Variants in PCDH11X observed in about 807,000 individuals in gnomAD.
The protein encoded by PCDH11X is protocadherin-11 X-linked.
In PCDH11X, 18 loss-of-function variants were observed where a neutral mutation model predicts 53.3. The ratio of observed to expected loss-of-function variants is 0.34; its 90% CI spans 0.23 to 0.50. The LOEUF is 0.50. PCDH11X is among the 20% of genes least tolerant of loss of function. The pLI is 0.98. For synonymous variants in PCDH11X, 279 were observed against 393.3 expected (o/e 0.71, Z 3.44); for missense variants, 570 against 1,032.4 (o/e 0.55, Z 6.14).
chrX:92,417,861 A>AG (rs1318464389), intron 9 of PCDH11X, among the ~76,000 whole-genome samples: 1 of 83,441 alleles, frequency 1.2e-5, no homozygotes, highest in East Asian at 4.3e-4. Context: ...CTTATGCAAA[A>AG]GCCTGCTCTG....
chrX:92,185,196 T>A (rs978672479), intron 6 of PCDH11X, among the ~76,000 whole-genome samples: 2 of 110,881 alleles, frequency 1.8e-5, no homozygotes, highest in African/African-American at 6.5e-5. Context: ...CAGTGAGCTA[T>A]GATTGCACCA....
intron 6 of PCDH11X, among the ~76,000 whole-genome samples, chrX:92,079,356 G>A (rs1257319229): frequency 2.7e-5 from 3 of 111,677 alleles, no homozygotes; most frequent in Non-Finnish European, 3.8e-5. Context: ...CCTCATGCTC[G>A]GGTTTCCAGC....
intron 10 of PCDH11X, among the ~76,000 whole-genome samples, chrX:92,521,829 GT>G (rs1325821588): frequency 1.9e-5 from 2 of 107,943 alleles, no homozygotes; most frequent in Non-Finnish European, 3.8e-5. Context: ...GCACTTTTTT[GT>G]TATGAAGATA....
chrX:92,398,616 C>T (rs2071302105), intron 9 of PCDH11X, among the ~76,000 whole-genome samples: 1 of 110,831 alleles, frequency 9.0e-6, no homozygotes, highest in African/African-American at 3.3e-5. Flanking sequence ...CTTTCTTAGT[C>T]TCTTATCTAC....
At chrX:91,969,098 C>T (rs1294733569) in intron 6 of PCDH11X, among the ~76,000 whole-genome samples, 2 of 110,852 alleles carry the variant, frequency 1.8e-5, no homozygotes, top group Non-Finnish European at 3.8e-5. Context: ...TTCAGTGATA[C>T]CTCTTTTAAT....
chrX:92,370,086 ATGTTG>A (rs1255566627), intron 8 of PCDH11X, among the ~76,000 whole-genome samples: 5 of 107,896 alleles, frequency 4.6e-5, no homozygotes, highest in African/African-American at 1.7e-4. Context: ...CATTTTTTGC[ATGTTG>A]TGTTTTAATT....
chrX:92,149,423 TTCTC>T (rs1344095249), intron 6 of PCDH11X, among the ~76,000 whole-genome samples: 1 of 92,342 alleles, frequency 1.1e-5, no homozygotes, highest in Admixed American at 1.4e-4. Context: ...ATCTCTCTCT[TTCTC>T]TCACTCTCTC....
intron 6 of PCDH11X, chrX:91,882,801 T>A: frequency 9.1e-7 from 1 of 1,095,904 alleles, no homozygotes; most frequent in Non-Finnish European, 1.2e-6. Context: ...TGACTCTGCA[T>A]TTATATTTTG....
chrX:92,489,648 T>C (rs1485816855), intron 10 of PCDH11X, among the ~76,000 whole-genome samples: 1 of 108,014 alleles, frequency 9.3e-6, no homozygotes, highest in Non-Finnish European at 1.9e-5. Flanking sequence ...CACTCTCTTC[T>C]GTTCTTACTA....
chrX:92,499,752 A>G (rs773541843), intron 10 of PCDH11X, among the ~76,000 whole-genome samples: 2 of 98,848 alleles, frequency 2.0e-5, no homozygotes, highest in South Asian at 1.2e-3. Context: ...TGACCACTTG[A>G]GCCTGGGAGG....
chrX:92,564,222 C>T (rs1219697968), intron 10 of PCDH11X, among the ~76,000 whole-genome samples: 1 of 108,752 alleles, frequency 9.2e-6, no homozygotes, highest in Non-Finnish European at 1.9e-5. Context: ...AATGCAATCC[C>T]TATTCAACTA....
chrX:92,019,839 C>A (rs926030065), intron 6 of PCDH11X, among the ~76,000 whole-genome samples: 1 of 111,690 alleles, frequency 9.0e-6, no homozygotes, highest in African/African-American at 3.2e-5. Flanking sequence ...ACCATAACAG[C>A]ATGCAAATCC....
At chrX:92,245,891 A>G (rs1481406928) in intron 7 of PCDH11X, among the ~76,000 whole-genome samples, 1 of 112,055 alleles carries the variant, frequency 8.9e-6, no homozygotes, top group Non-Finnish European at 1.9e-5. Context: ...TTATAAAAAT[A>G]AATGGATTAA....
chrX:92,570,006 AC>A (rs1922003253), intron 10 of PCDH11X, among the ~76,000 whole-genome samples: 1 of 78,326 alleles, frequency 1.3e-5, no homozygotes, highest in Admixed American at 1.5e-4. Context: ...ACAGAGTGAG[AC>A]TCAGTCTCAA....
Position 92,230,566 on chromosome X carries a change from CATATATAAT to C in PCDH11X, c.3114+29129_3114+29137del, listed in dbSNP as rs1308038361. 1.3e-3 allele frequency among the ~76,000 whole-genome samples: 111 copies of C among 88,656 alleles called. 2 individuals carry two copies. The highest frequency in any genetic ancestry group is 4.2e-3 in the African/African-American group (103 of 24,304). 77.0% of individuals were successfully genotyped at this position (88,656 alleles called of 115,157 possible). On this transcript the variant is annotated intron_variant, in intron 7 of 10. Transcript: ENST00000682573. ...TCTATAATATATAATATATAAAATA[CATATATAAT>C]ATATATAATATATATAAAATATATA... is the stretch of plus-strand genomic sequence containing the variant.
chrX:92,562,010 A>G (rs201559601), intron 10 of PCDH11X, among the ~76,000 whole-genome samples: 1,821 of 106,958 alleles, frequency 0.017, 50 homozygotes, highest in East Asian at 0.09. Context: ...AAGAGAAGAG[A>G]TTTAACTGGC....
At chrX:92,557,755 T>C (rs1184285985) in intron 10 of PCDH11X, among the ~76,000 whole-genome samples, 1 of 110,236 alleles carries the variant, frequency 9.1e-6, no homozygotes, top group African/African-American at 3.3e-5. Context: ...CATTTTCTAA[T>C]GTCTTTATAG....
chrX:92,284,511 T>C (rs1247201743), intron 8 of PCDH11X, among the ~76,000 whole-genome samples: 1 of 112,352 alleles, frequency 8.9e-6, no homozygotes, highest in Non-Finnish European at 1.9e-5. Context: ...TTTAATCCAC[T>C]GTTAGCAGGA....
At chrX:92,274,405 C>G (rs2068032426) in intron 8 of PCDH11X, among the ~76,000 whole-genome samples, 1 of 110,869 alleles carries the variant, frequency 9.0e-6, no homozygotes, top group Non-Finnish European at 1.9e-5. Context: ...GGTCTGTTAT[C>G]AGACTGTATT....
Sources: allele counts gnomAD v4.1 joint callset (sites outside exome capture counted in the v4.1 genomes callset), GRCh38; gene constraint gnomAD v4.1.1; transcripts MANE v1.5; gene names NCBI Gene and HGNC (gene_info 2026-07-23, HGNC 2026-07-21).